SNTG2: variants seen among roughly 807,000 people sequenced by gnomAD.
The protein encoded by SNTG2 is gamma-2-syntrophin.
In SNTG2, 74 loss-of-function variants were observed where a neutral mutation model predicts 70.9. The observed-to-expected ratio is 1.04, with a 90% CI of 0.86 to 1.27. The LOEUF (loss-of-function observed/expected upper bound fraction) is 1.27. Among genes scored for constraint, SNTG2 ranks in the 50% most tolerant of loss-of-function variants. The pLI, the probability that SNTG2 is intolerant of heterozygous loss-of-function variation, is 0.00. For synonymous variants in SNTG2, 278 were observed against 273.8 expected, an observed-to-expected ratio of 1.02 and a Z score of -0.15; for missense variants, 717 against 690.7, an observed-to-expected ratio of 1.04 and a Z score of -0.43.
intron 8 of SNTG2, among the ~76,000 whole-genome samples, chr2:1,195,432 G>A (rs1201241107): frequency 6.6e-6 from 1 of 152,128 alleles, no homozygotes; most frequent in African/African-American, 2.4e-5. Flanking sequence ...ACATGAGATG[G>A]TATCTCATTG....
chr2:1,070,427 G>A (rs137917913), intron 1 of SNTG2, among the ~76,000 whole-genome samples: 100 of 152,250 alleles, frequency 6.6e-4, no homozygotes, highest in African/African-American at 2.3e-3. Flanking sequence ...CTCATTAGCC[G>A]TTGATGAGGG....
In SNTG2 at chr2:1,259,350, A is replaced by G; in HGVS notation, c.1006-20A>G. 1 of 1,613,132 alleles carries G rather than the reference A, an allele frequency of 6.2e-7. No homozygotes were observed. Among genetic ancestry groups the G allele is most frequent in the Non-Finnish European group, 8.5e-7 (1 of 1,179,328 alleles). On this transcript the variant is annotated intron_variant, in intron 12 of 16. Coordinates refer to ENST00000308624, the MANE Select transcript of SNTG2 (RefSeq NM_018968.4). ...AAAGTAGCATGCTGCTTTTCATGGA[A>G]CGTTCTCTGTTTCTTGCAGGTGAGC...
At chr2:1,024,624 C>T (rs59028100) in intron 1 of SNTG2, among the ~76,000 whole-genome samples, 5,812 of 152,290 alleles carry the variant, frequency 0.038, 181 homozygotes, top group African/African-American at 0.08. Flanking sequence ...ATTCTCCCAC[C>T]TCACCCTCCA....
chr2:1,098,196 C>G lies in SNTG2; in HGVS notation c.211C>G (p.Arg71Gly). The G allele has an allele frequency of 6.2e-7, 1 of 1,613,954 alleles. No individual in the cohort carries two copies. The highest frequency in any genetic ancestry group is 1.3e-5 in the African/African-American group (1 of 75,048). Reference protein sequence around the residue: ...CVGGSHQGRNRRTVTLRRQPV... With the variant: ...CVGGSHQGRNGRTVTLRRQPV... Reference sequence around the variant, plus strand: ...GTTTGTTTTCTAAAATGTTTTAAAGCGCAGAACTGTTACACTCCGCAGACA... The same window carrying G: ...GTTTGTTTTCTAAAATGTTTTAAAGGGCAGAACTGTTACACTCCGCAGACA... The change falls in exon 3 of 17, where the codon CGC becomes GGC. Residue 71 changes from arginine to glycine, a missense_variant and splice_region_variant. Physicochemically the swap from Arg to Gly is moderately radical, Grantham distance 125. Coordinates refer to ENST00000308624, the MANE Select transcript of SNTG2 (RefSeq NM_018968.4).
At chr2:1,098,317 A>G in intron 3 of SNTG2, 36 bp from the exon 4 acceptor site, 1 of 1,613,822 alleles carries the variant, frequency 6.2e-7, no homozygotes, top group Non-Finnish European at 8.5e-7. Context: ...GTGAATCATG[A>G]TAACCACGTT....
In SNTG2 at chr2:1,352,643, G is replaced by A. The variant is rs1478853832; in HGVS notation, c.1489-14700G>A. On this transcript the variant is annotated intron_variant, in intron 16 of 16. Coordinates refer to ENST00000308624, the MANE Select transcript of SNTG2 (RefSeq NM_018968.4). Reference sequence around the variant, plus strand: ...ATTCTTGGGCATTTTGTAATATGGCGACCTCATAGTTTCAAGGTTCTGAAA... The same window carrying A: ...ATTCTTGGGCATTTTGTAATATGGCAACCTCATAGTTTCAAGGTTCTGAAA... Among the ~76,000 whole-genome samples the A allele has an allele frequency of 2.6e-5, 4 of 152,168 alleles. No homozygotes were observed. In the South Asian group the frequency reaches 6.2e-4, roughly 24 times the overall value.
At chr2:1,349,794 A>T (rs749179874) in intron 16 of SNTG2, among the ~76,000 whole-genome samples, 4 of 152,210 alleles carry the variant, frequency 2.6e-5, no homozygotes, top group African/African-American at 4.8e-5. Context: ...GGACACAAAC[A>T]GTGTAATTAC....
intron 12 of SNTG2, among the ~76,000 whole-genome samples, chr2:1,250,239 T>C (rs1217677471): frequency 6.6e-6 from 1 of 152,236 alleles, no homozygotes; most frequent in Non-Finnish European, 1.5e-5. Context: ...CCATGGTTTG[T>C]TAGGGTTTCT....
intron 1 of SNTG2, among the ~76,000 whole-genome samples, chr2:1,060,348 C>A (rs1258653110): frequency 6.6e-6 from 1 of 152,118 alleles, no homozygotes; most frequent in Non-Finnish European, 1.5e-5. Context: ...GGTATTAATA[C>A]ACGTGTGTAT....
chr2:1,128,838 T>C (rs1283948543), intron 4 of SNTG2, among the ~76,000 whole-genome samples: 1 of 152,152 alleles, frequency 6.6e-6, no homozygotes, highest in Non-Finnish European at 1.5e-5. Context: ...ATGCTCAGTT[T>C]GTCTTTTCAC....
intron 14 of SNTG2, among the ~76,000 whole-genome samples, chr2:1,287,575 C>T (rs376325466): frequency 1.2e-3 from 178 of 152,344 alleles, no homozygotes; most frequent in African/African-American, 4.1e-3. Flanking sequence ...CAGCAGGGGG[C>T]CCGGAGTGCT....
chr2:1,057,521 G>C (rs1017573612), intron 1 of SNTG2, among the ~76,000 whole-genome samples: 1 of 152,114 alleles, frequency 6.6e-6, no homozygotes, highest in African/African-American at 2.4e-5. Context: ...CATCCAGTGC[G>C]GGAGAAAGAT....
intron 1 of SNTG2, among the ~76,000 whole-genome samples, chr2:1,006,080 A>C (rs1659561953): frequency 1.3e-5 from 2 of 148,370 alleles, no homozygotes; most frequent in African/African-American, 5.0e-5. Context: ...AAAAAACCAA[A>C]CACCGCATAT....
rs150894280 is a variant in SNTG2, at chr2:1,109,759, G to A, written c.325+11349G>A. Reference sequence around the variant, plus strand: ...ATAATTTAATAAATAATAATGCTTCGTAAGAATTTATCTGTAAGATAGGCC... The same window carrying A: ...ATAATTTAATAAATAATAATGCTTCATAAGAATTTATCTGTAAGATAGGCC... On this transcript the variant is annotated intron_variant, in intron 4 of 16. Transcript: ENST00000308624. Among the ~76,000 whole-genome samples the A allele has an allele frequency of 4.0e-3, 613 of 152,202 alleles. 3 individuals are homozygous for A. Among genetic ancestry groups the A allele is most frequent in the African/African-American group, 0.014 (584 of 41,512 alleles).
chr2:1,065,732 G>A (rs201865803), intron 1 of SNTG2, among the ~76,000 whole-genome samples: 62 of 152,066 alleles, frequency 4.1e-4, no homozygotes, highest in Middle Eastern at 6.8e-3. Flanking sequence ...GTTATTTTTT[G>A]TATGTCGTTT....
intron 4 of SNTG2, among the ~76,000 whole-genome samples, chr2:1,123,622 G>A (rs1424133008): frequency 6.6e-6 from 1 of 152,204 alleles, no homozygotes; most frequent in Non-Finnish European, 1.5e-5. Context: ...GAACGTTGGA[G>A]AAGAGCTCGT....
chr2:1,193,483 C>T (rs904981718), intron 8 of SNTG2, among the ~76,000 whole-genome samples: 6 of 152,154 alleles, frequency 3.9e-5, no homozygotes, highest in Non-Finnish European at 5.9e-5. Flanking sequence ...AAATGAGCAA[C>T]GCATATTTTA....
chr2:1,254,748 C>A (rs550458252), intron 12 of SNTG2, among the ~76,000 whole-genome samples: 13 of 152,234 alleles, frequency 8.5e-5, no homozygotes, highest in Non-Finnish European at 1.9e-4. Flanking sequence ...TGTCAATTGC[C>A]ATTATTAGGA....
intron 8 of SNTG2, among the ~76,000 whole-genome samples, chr2:1,199,399 C>A (rs923211165): frequency 6.6e-6 from 1 of 151,868 alleles, no homozygotes; most frequent in African/African-American, 2.4e-5. Context: ...ATATGACAGG[C>A]CCATGACTAG....
Sources: allele counts gnomAD v4.1 joint callset (sites outside exome capture counted in the v4.1 genomes callset), GRCh38; gene constraint gnomAD v4.1.1; transcripts MANE v1.5; gene names NCBI Gene and HGNC (gene_info 2026-07-23, HGNC 2026-07-21).